The following ZNF384 variants were observed in gnomAD, a reference collection of about 807,000 sequenced individuals.
ZNF384 encodes the protein zinc finger protein 384, also known as CAG repeat protein 1.
A neutral mutation model predicts 65.0 loss-of-function variants in ZNF384; 20 were observed. The ratio of observed to expected loss-of-function variants is 0.31; its 90% CI spans 0.22 to 0.45. The LOEUF (loss-of-function observed/expected upper bound fraction) is 0.45. Ranked by LOEUF, ZNF384 falls within the 20% of genes least tolerant of loss-of-function variation. ZNF384 has a pLI of 1.00. For synonymous variants in ZNF384, 310 were observed against 303.9 expected, an observed-to-expected ratio of 1.02 and a Z score of -0.21; for missense variants, 549 against 769.4, an observed-to-expected ratio of 0.71 and a Z score of 3.39.
intron 1 of ZNF384, chr12:6,688,711 T>G (rs1958882948): frequency 6.6e-6 from 1 of 152,652 alleles, no homozygotes; most frequent in South Asian, 2.1e-4. Context: ...ACCCGAGGCC[T>G]TGTGCCAAGA....
chr12:6,685,538 C>T (rs891019470), intron 2 of ZNF384, among the ~76,000 whole-genome samples: 11 of 151,772 alleles, frequency 7.2e-5, no homozygotes, highest in Non-Finnish European at 1.5e-4. Flanking sequence ...TTTGGGAGGC[C>T]GAGGCAGGTG....
rs1316658096 is a variant in ZNF384, at chr12:6,689,198, G to A, written c.-166C>T. On this transcript the variant is annotated 5_prime_UTR_variant, in exon 1 of 12. Coordinates refer to ENST00000683879, the MANE Select transcript of ZNF384 (RefSeq NM_001385745.1). ...GAGCCGAGGAGGGTGGGAGGACCAG[G>A]AAGGGGCGAGGGAGGGGAAAAAGCG... The A allele has an allele frequency of 6.5e-6, 1 of 153,004 alleles. No homozygotes were observed. Among genetic ancestry groups the A allele is most frequent in the African/African-American group, 2.4e-5 (1 of 41,478 alleles). 9.5% of individuals were successfully genotyped at this position (153,004 alleles called of 1,614,324 possible). A position where few individuals can be genotyped will look rare whatever the true frequency, so the allele number is the denominator to read the frequency against.
intron 11 of ZNF384, 106 bp downstream of exon 11, chr12:6,668,917 TGGAGCTAG>T (rs1197009756): frequency 8.6e-7 from 1 of 1,157,212 alleles, no homozygotes; most frequent in Non-Finnish European, 1.2e-6. Context: ...TCTGCTAAGT[TGGAGCTAG>T]GGAGGCAGGG....
intron 7 of ZNF384, among the ~76,000 whole-genome samples, chr12:6,675,042 T>C (rs1952966854): frequency 6.6e-6 from 1 of 152,240 alleles, no homozygotes; most frequent in Non-Finnish European, 1.5e-5. Context: ...CGTCAATTTG[T>C]GTGTGAGGGT....
At chr12:6,677,644 A>G (rs573360081) in intron 6 of ZNF384, among the ~76,000 whole-genome samples, 1 of 152,254 alleles carries the variant, frequency 6.6e-6, no homozygotes, top group African/African-American at 2.4e-5. Context: ...TATTCCTCCT[A>G]CCTTCTTATG....
chr12:6,673,535 G>C lies in ZNF384; in HGVS notation c.780-95C>G. On this transcript the variant is annotated intron_variant, in intron 7 of 11. Coordinates refer to ENST00000683879, the MANE Select transcript of ZNF384 (RefSeq NM_001385745.1). This position sits in a 1 kb window ranked among gnomAD's most constrained non-coding sequence, Gnocchi z 4.7. ...TTCCAAGAGAAGCCCACCTATCTGA[G>C]GTCTCTCCTACTCCAACTTGAGAGT... 9.5e-7 allele frequency: 1 copy of C among 1,054,222 alleles called. No individual in the cohort carries two copies. Among genetic ancestry groups the C allele is most frequent in the Non-Finnish European group, 1.4e-6 (1 of 716,428 alleles). 65.3% of individuals were successfully genotyped at this position (1,054,222 alleles called of 1,614,324 possible).
In ZNF384 at chr12:6,678,437, G is replaced by A. The variant is rs766952960; in HGVS notation, c.376C>T (p.Pro126Ser). The A allele has an allele frequency of 6.3e-7, 1 of 1,592,704 alleles. No individual in the cohort carries two copies. Among genetic ancestry groups the A allele is most frequent in the African/African-American group, 1.3e-5 (1 of 74,582 alleles). The change falls in exon 6 of 12, where the codon CCC becomes TCC. Residue 126 changes from proline to serine, a missense_variant. Pro to Ser is a moderately conservative substitution (Grantham distance 74). Coordinates refer to ENST00000683879, the MANE Select transcript of ZNF384 (RefSeq NM_001385745.1). The surrounding 1 kb of genome is among the most constrained non-coding windows in gnomAD (Gnocchi z 4.9). Reference protein sequence around the residue: ...SRGPGLVITSPSGSLVTTASS... With the variant: ...SRGPGLVITSSSGSLVTTASS... ...GCTGTGGTCACAAGAGAGCCTGAGG[G>A]GGACGTGATTACCAAACCCGGACCT...
intron 2 of ZNF384, among the ~76,000 whole-genome samples, chr12:6,681,824 CGAG>C (rs1956080805): frequency 6.6e-6 from 1 of 152,068 alleles, no homozygotes; most frequent in Admixed American, 6.5e-5. Flanking sequence ...TAAAAAGTAG[CGAG>C]GGTGCAATGT....
chr12:6,684,875 C>T (rs1278480192), intron 2 of ZNF384, among the ~76,000 whole-genome samples: 1 of 152,138 alleles, frequency 6.6e-6, no homozygotes, highest in African/African-American at 2.4e-5. Context: ...GGGGCCAGAT[C>T]ACTCAAATAT....
In ZNF384 at chr12:6,667,990, A is replaced by AGCCTGAGCCTGG; in HGVS notation, c.1539_1550dup (p.Gln524_Ala527dup). ...GGGCCTGGGCCTGGGCTTGAGCCTG[A>AGCCTGAGCCTGG]GCCTGAGCCTGGGCTTGAGCTTGAG... On this transcript the variant is annotated inframe_insertion, in exon 12 of 12. Transcript: ENST00000683879. 6.2e-7 allele frequency: 1 copy of AGCCTGAGCCTGG among 1,612,516 alleles called. No homozygotes were observed. Among genetic ancestry groups the AGCCTGAGCCTGG allele is most frequent in the Non-Finnish European group, 8.5e-7 (1 of 1,179,298 alleles).
intron 2 of ZNF384, among the ~76,000 whole-genome samples, chr12:6,683,889 C>T (rs778716381): frequency 6.6e-6 from 1 of 151,928 alleles, no homozygotes; most frequent in African/African-American, 2.4e-5. Context: ...TGGTGGCGCA[C>T]GCCTGTAGTC....
chr12:6,672,223 A>G lies in ZNF384; in HGVS notation c.1187+127T>C, dbSNP rs1409423453. Reference sequence around the variant, plus strand: ...TTTGGTCTTCCTTCTCCCAGATGCCAGCCAGGTCTCTCCTCCAGCCAGGTC... The same window carrying G: ...TTTGGTCTTCCTTCTCCCAGATGCCGGCCAGGTCTCTCCTCCAGCCAGGTC... On this transcript the variant is annotated intron_variant, in intron 9 of 11. Transcript: ENST00000683879. This position sits in a 1 kb window ranked among gnomAD's most constrained non-coding sequence, Gnocchi z 4.4. 1.9e-6 allele frequency: 2 copies of G among 1,030,894 alleles called. No homozygotes were observed. Among genetic ancestry groups the G allele is most frequent in the South Asian group, 3.4e-5 (2 of 59,540 alleles). 63.9% of individuals were successfully genotyped at this position (1,030,894 alleles called of 1,614,324 possible).
intron 3 of ZNF384, 111 bp from the exon 4 acceptor site, chr12:6,679,294 C>G: frequency 8.1e-7 from 1 of 1,228,818 alleles, no homozygotes; most frequent in Non-Finnish European, 1.2e-6. Flanking sequence ...AGGATGAGCA[C>G]TTCATACCTC....
chr12:6,673,687 T>C lies in ZNF384; in HGVS notation c.780-247A>G, dbSNP rs1952418402. ...TGTGCAAAAATGTATTTCAACCAGA[T>C]AAAACAGAAACAGTATGAACTCTGG... On this transcript the variant is annotated intron_variant, in intron 7 of 11. Transcript: ENST00000683879. This position sits in a 1 kb window ranked among gnomAD's most constrained non-coding sequence, Gnocchi z 4.7. Among the ~76,000 whole-genome samples the C allele has an allele frequency of 6.6e-6, 1 of 152,174 alleles. No individual in the cohort carries two copies. The highest frequency in any genetic ancestry group is 1.5e-5 in the Non-Finnish European group (1 of 68,042).
In ZNF384 at chr12:6,678,259, C is replaced by G; in HGVS notation, c.554G>C (p.Ser185Thr). The stretch of plus-strand genomic sequence containing the variant: ...GCCCCGGGGTGGCTTAGGAGCCACA[C>G]TGCCACCTCCACCACCACCTCCGCC... Reference protein sequence around the residue: ...EGGGGGGGGGSVAPKPPRGRK... With the variant: ...EGGGGGGGGGTVAPKPPRGRK... Residue 185 changes from serine to threonine, a missense_variant, in exon 6 of 12, where the codon AGT becomes ACT. Coordinates refer to ENST00000683879, the MANE Select transcript of ZNF384 (RefSeq NM_001385745.1). The surrounding 1 kb of genome is among the most constrained non-coding windows in gnomAD (Gnocchi z 4.9). 1 of 1,614,190 alleles carries G rather than the reference C, an allele frequency of 6.2e-7. No individual in the cohort carries two copies. Among genetic ancestry groups the G allele is most frequent in the Non-Finnish European group, 8.5e-7 (1 of 1,180,038 alleles).
At chr12:6,676,109 G>A (rs1463273085) in intron 7 of ZNF384, among the ~76,000 whole-genome samples, 1 of 152,172 alleles carries the variant, frequency 6.6e-6, no homozygotes, top group Non-Finnish European at 1.5e-5. Context: ...AGACCAGCCT[G>A]GCCAACGTGG....
rs1428407265 is a variant in ZNF384, at chr12:6,679,019, G to A, written c.231C>T (p.Thr77=). Residue 77 remains threonine (T), a synonymous_variant, in exon 4 of 12, where the codon ACC becomes ACT. Transcript: ENST00000683879. ...GGGTAACGGACGCTTGGCTGTGTGG[G>A]GTCAGCTGGTCTGACTTGGACTCTG... is the stretch of plus-strand genomic sequence containing the variant. The part of the protein sequence containing the change: ...MDTESKSDQL[T]PHSQASVTQN... 18 of 1,613,930 alleles carry A rather than the reference G, an allele frequency of 1.1e-5. No individual in the cohort carries two copies. Among genetic ancestry groups the A allele is most frequent in the Non-Finnish European group, 1.4e-5 (17 of 1,180,014 alleles).
intron 2 of ZNF384, among the ~76,000 whole-genome samples, chr12:6,683,021 T>G (rs1956629068): frequency 6.6e-6 from 1 of 152,194 alleles, no homozygotes; most frequent in Admixed American, 6.5e-5. Flanking sequence ...ATGGGTGTGG[T>G]GGCTCATGCC....
At position 6,669,179 on chromosome 12, in the gene ZNF384, C is replaced by T. The variant is rs1344310148; in HGVS notation, c.1277G>A (p.Arg426Gln). The T allele has an allele frequency of 3.7e-6, 6 of 1,609,120 alleles. No homozygotes were observed. The highest frequency in any genetic ancestry group is 5.1e-6 in the Non-Finnish European group (6 of 1,176,868). The change falls in exon 11 of 12, where the codon CGG (arginine) becomes CAG (glutamine). Residue 426 changes from arginine to glutamine, a missense_variant. By Grantham distance (43) the Arg-to-Gln change is conservative. Transcript: ENST00000683879. The stretch of plus-strand genomic sequence containing the variant: ...GAAGGGTTTATCTTTGTTGTGTTGC[C>T]GTCTGTGGGACTGAGAAAATTGGGA... ...TQLSNLQSHR[R>Q]QHNKDKPFKC...
Sources: allele counts gnomAD v4.1 joint callset (sites outside exome capture counted in the v4.1 genomes callset), GRCh38; gene constraint gnomAD v4.1.1; non-coding constraint Gnocchi (gnomAD v3.1); transcripts MANE v1.5; gene names NCBI Gene and HGNC (gene_info 2026-07-23, HGNC 2026-07-21).